CDK19: variants seen among roughly 807,000 people sequenced by gnomAD.
The protein encoded by CDK19 is cyclin dependent kinase 19.
Under a neutral mutation model 68.3 loss-of-function variants are expected in CDK19, and 20 were observed. The observed-to-expected ratio is 0.29, with a 90% CI of 0.21 to 0.43. The LOEUF (loss-of-function observed/expected upper bound fraction) is 0.43, where lower values mean the gene tolerates loss of function less well. Among genes scored for constraint, CDK19 ranks in the 20% least tolerant of loss-of-function variants. The probability of loss-of-function intolerance (pLI) is 1.00; values close to 1 mark genes in which losing one functional copy is unlikely to be tolerated. For missense variants in CDK19, 339 were observed against 623.5 expected, an observed-to-expected ratio of 0.54 and a Z score of 4.86; for synonymous variants, 221 against 222.8, an observed-to-expected ratio of 0.99 and a Z score of 0.07.
At chr6:110,651,636 T>C (rs888851065) in intron 4 of CDK19, among the ~76,000 whole-genome samples, 3 of 152,224 alleles carry the variant, frequency 2.0e-5, no homozygotes, top group African/African-American at 7.2e-5. Context: ...ACTACACTCA[T>C]AGGTGAGGTT....
Position 110,787,430 on chromosome 6 carries a change from TTTTTG to T in CDK19, c.128+27574_128+27578del, listed in dbSNP as rs535860515. The stretch of plus-strand genomic sequence containing the variant: ...CAGATATCCTTTCTCCTCAATGTTT[TTTTTG>T]TTTTGTTTTGTTTTTTTGTTTTGGA... On this transcript the variant is annotated intron_variant, in intron 1 of 12. Coordinates refer to ENST00000368911, the MANE Select transcript of CDK19 (RefSeq NM_015076.5). 4.5e-3 allele frequency among the ~76,000 whole-genome samples: 690 copies of T among 152,056 alleles called. 4 individuals carry two copies. The highest frequency in any genetic ancestry group is 0.034 in the Middle Eastern group (10 of 294).
chr6:110,736,763 C>T (rs1037619141), intron 2 of CDK19, among the ~76,000 whole-genome samples: 9 of 152,126 alleles, frequency 5.9e-5, no homozygotes, highest in African/African-American at 2.2e-4. Flanking sequence ...AAAACCAGCA[C>T]CATTTACTGC....
chr6:110,673,718 A>C (rs1771219510), intron 2 of CDK19, among the ~76,000 whole-genome samples: 1 of 152,274 alleles, frequency 6.6e-6, no homozygotes, highest in South Asian at 2.1e-4. Flanking sequence ...TTTGGTATAA[A>C]AGAAAAATTT....
intron 1 of CDK19, among the ~76,000 whole-genome samples, chr6:110,780,618 T>C (rs965463975): frequency 6.6e-6 from 1 of 152,130 alleles, no homozygotes; most frequent in Non-Finnish European, 1.5e-5. Context: ...TGTTCAGCTG[T>C]TCAAGAGAAG....
At chr6:110,645,098 AAC>A (rs1780465701) in intron 4 of CDK19, among the ~76,000 whole-genome samples, 1 of 152,230 alleles carries the variant, frequency 6.6e-6, no homozygotes, top group Admixed American at 6.5e-5. Flanking sequence ...GGATACAATT[AAC>A]TAGGATGATC....
Position 110,612,287 on chromosome 6 carries a change from C to T in CDK19, c.*2248G>A, listed in dbSNP as rs1319634491. 2 of 152,384 alleles carry T rather than the reference C, an allele frequency of 1.3e-5. No individual in the cohort carries two copies. The highest frequency in any genetic ancestry group is 2.4e-5 in the African/African-American group (1 of 41,428). 9.4% of individuals were successfully genotyped at this position (152,384 alleles called of 1,614,324 possible). ...GGACCACCCAGTTGTTGTTAAAAGGCTGCTGTGAACATTTCAAAGATACGT... is the reference window on the plus strand; with the variant it reads ...GGACCACCCAGTTGTTGTTAAAAGGTTGCTGTGAACATTTCAAAGATACGT... On this transcript the variant is annotated 3_prime_UTR_variant, in exon 13 of 13. Coordinates refer to ENST00000368911, the MANE Select transcript of CDK19 (RefSeq NM_015076.5).
chr6:110,684,679 C>T (rs904372799), intron 2 of CDK19, among the ~76,000 whole-genome samples: 11 of 152,122 alleles, frequency 7.2e-5, no homozygotes, highest in Non-Finnish European at 1.5e-4. Flanking sequence ...CCTAAACTGA[C>T]ATCAATTTCC....
intron 4 of CDK19, among the ~76,000 whole-genome samples, chr6:110,666,157 T>G (rs1313995232): frequency 1.3e-5 from 2 of 149,462 alleles, no homozygotes; most frequent in Non-Finnish European, 3.0e-5. Flanking sequence ...GGCTCACACA[T>G]GTAATCCCAG....
At chr6:110,724,072 G>A (rs1776146287) in intron 2 of CDK19, among the ~76,000 whole-genome samples, 4 of 152,054 alleles carry the variant, frequency 2.6e-5, no homozygotes, top group Non-Finnish European at 5.9e-5. Context: ...GCCATTATAG[G>A]GCCAGGCACA....
At chr6:110,697,545 T>C (rs1234678077) in intron 2 of CDK19, among the ~76,000 whole-genome samples, 2 of 152,138 alleles carry the variant, frequency 1.3e-5, no homozygotes, top group Admixed American at 6.5e-5. Flanking sequence ...CCCCTGCTTA[T>C]GGGTGGGTAG....
chr6:110,635,140 T>C (rs536606267), intron 5 of CDK19, among the ~76,000 whole-genome samples: 54 of 152,224 alleles, frequency 3.5e-4, no homozygotes, highest in African/African-American at 1.3e-3. Context: ...TAGTATCAAA[T>C]GAAAAGCAGC....
intron 2 of CDK19, among the ~76,000 whole-genome samples, chr6:110,675,267 G>GC (rs962144659): frequency 2.0e-5 from 3 of 152,156 alleles, no homozygotes; most frequent in African/African-American, 7.2e-5. Context: ...AGGGTTTAAC[G>GC]CAACTGGTGA....
chr6:110,759,354 G>A (rs546881542), intron 1 of CDK19, among the ~76,000 whole-genome samples: 5 of 141,050 alleles, frequency 3.5e-5, no homozygotes, highest in South Asian at 2.2e-4. Flanking sequence ...GCAGTGAGCC[G>A]AGATGGCACC....
intron 2 of CDK19, among the ~76,000 whole-genome samples, chr6:110,682,172 A>C (rs1772074377): frequency 6.6e-6 from 1 of 152,126 alleles, no homozygotes; most frequent in African/African-American, 2.4e-5. Flanking sequence ...ACTTATCTCA[A>C]AGTAAATCCA....
intron 1 of CDK19, among the ~76,000 whole-genome samples, chr6:110,762,826 A>G (rs1779318652): frequency 6.6e-6 from 1 of 152,216 alleles, no homozygotes; most frequent in South Asian, 2.1e-4. Flanking sequence ...ACTTGAAATT[A>G]TTCTTATATG....
chr6:110,699,714 G>C (rs1272664062), intron 2 of CDK19, among the ~76,000 whole-genome samples: 3 of 151,970 alleles, frequency 2.0e-5, no homozygotes, highest in African/African-American at 7.3e-5. Flanking sequence ...TACCCCACAA[G>C]CTATTCAAAT....
intron 4 of CDK19, among the ~76,000 whole-genome samples, chr6:110,652,564 T>C (rs1191309458): frequency 6.6e-6 from 1 of 152,174 alleles, no homozygotes; most frequent in African/African-American, 2.4e-5. Flanking sequence ...GATAGTAAGA[T>C]AAAAACACTA....
At chr6:110,663,531 G>GTTTATT (rs2114380388) in intron 4 of CDK19, among the ~76,000 whole-genome samples, 1 of 152,236 alleles carries the variant, frequency 6.6e-6, no homozygotes, top group Non-Finnish European at 1.5e-5. Flanking sequence ...TTGGTTCAAA[G>GTTTATT]TTTCTTTTTC....
chr6:110,772,356 G>A (rs1780077525), intron 1 of CDK19, among the ~76,000 whole-genome samples: 1 of 152,022 alleles, frequency 6.6e-6, no homozygotes, highest in South Asian at 2.1e-4. Context: ...ACTACCATGA[G>A]AGCAGTAGGG....
Sources: allele counts gnomAD v4.1 joint callset (sites outside exome capture counted in the v4.1 genomes callset), GRCh38; gene constraint gnomAD v4.1.1; transcripts MANE v1.5; gene names NCBI Gene and HGNC (gene_info 2026-07-23, HGNC 2026-07-21).